The following SOS1 variants were observed in gnomAD, a reference collection of about 807,000 sequenced individuals.
SOS1 encodes SOS Ras/Rac guanine nucleotide exchange factor 1, also known as son of sevenless homolog 1.
Under a neutral mutation model 157.6 loss-of-function variants are expected in SOS1, and 25 were observed. The observed-to-expected ratio is 0.16, with a 90% CI of 0.12 to 0.22. The LOEUF (loss-of-function observed/expected upper bound fraction) is 0.22. SOS1 is among the 10% of genes least tolerant of loss of function. The pLI, the probability that SOS1 is intolerant of heterozygous loss-of-function variation, is 1.00. For synonymous variants in SOS1, 528 were observed against 534.0 expected (o/e 0.99, Z 0.16); for missense variants, 1,237 against 1,599.1 (o/e 0.77, Z 3.86).
At chr2:39,009,771 A>T (rs1366619854) in intron 15 of SOS1, among the ~76,000 whole-genome samples, 1 of 152,230 alleles carries the variant, frequency 6.6e-6, no homozygotes, top group Non-Finnish European at 1.5e-5. Context: ...AGAGCTACAT[A>T]GGAGTAATAT....
chr2:39,067,262 C>T (rs1160793342), intron 2 of SOS1, among the ~76,000 whole-genome samples: 2 of 152,152 alleles, frequency 1.3e-5, no homozygotes, highest in Non-Finnish European at 2.9e-5. Flanking sequence ...GATTCTTCTG[C>T]TTTGGCCTCC....
intron 2 of SOS1, among the ~76,000 whole-genome samples, chr2:39,064,573 T>C (rs1002325571): frequency 7.9e-5 from 12 of 152,232 alleles, no homozygotes; most frequent in African/African-American, 2.9e-4. Flanking sequence ...ATAGGGTCTC[T>C]TGACCTTATT....
Position 38,987,572 on chromosome 2 carries a change from A to G in SOS1, c.3411T>C (p.Ser1137=), listed in dbSNP as rs1558455854. The part of the protein sequence containing the change: ...PHGPRSASVS[S]ISLTKGTDEV... ...CATCAGTGCCTTTGGTTAAACTTAT[A>G]GATGATACAGAAGCAGATCCTGTGG... The change falls in exon 22 of 23, where the codon TCT becomes TCC. Residue 1137 remains serine, a synonymous_variant. Coordinates refer to ENST00000402219, the MANE Select transcript of SOS1 (RefSeq NM_005633.4). 1 of 1,563,196 alleles carries G rather than the reference A, an allele frequency of 6.4e-7. No homozygotes were observed.
At chr2:39,076,693 T>A (rs896785805) in intron 1 of SOS1, among the ~76,000 whole-genome samples, 3 of 152,038 alleles carry the variant, frequency 2.0e-5, no homozygotes, top group African/African-American at 7.2e-5. Flanking sequence ...TCATAATCAA[T>A]AGTGCAATAC....
In SOS1 at chr2:39,067,679, T is replaced by A; in HGVS notation, c.162A>T (p.Gln54His). The part of the protein sequence containing the change: ...ALQYVEELIL[Q>H]LLNMLCQAQP... ...GAGCTTGGCATAGCATATTTAATAA[T>A]TGCAAAATTAATTCTTCAACATACT... Residue 54 changes from glutamine (Q) to histidine (H), a missense_variant, in exon 2 of 23, where the codon CAA becomes CAT. Transcript: ENST00000402219. 1 of 1,613,060 alleles carries A rather than the reference T, an allele frequency of 6.2e-7. No individual in the cohort carries two copies.
intron 20 of SOS1, among the ~76,000 whole-genome samples, chr2:38,990,722 A>G (rs1668706731): frequency 1.3e-5 from 2 of 152,188 alleles, no homozygotes; most frequent in South Asian, 4.1e-4. Context: ...GTACATATGC[A>G]TGCACACTTG....
intron 1 of SOS1, among the ~76,000 whole-genome samples, chr2:39,116,177 G>A (rs1414264310): frequency 6.5e-3 from 2 of 308 alleles, no homozygotes; most frequent in African/African-American, 0.029. Flanking sequence ...AAGTTCACTT[G>A]AATAACCCAA....
chr2:39,069,273 G>T (rs940789945), intron 1 of SOS1, among the ~76,000 whole-genome samples: 2 of 149,654 alleles, frequency 1.3e-5, no homozygotes, highest in Non-Finnish European at 3.0e-5. Flanking sequence ...TACTCCAGAG[G>T]CTGAGGTGAC....
intron 1 of SOS1, chr2:39,098,066 A>G (rs1227057155): frequency 6.6e-6 from 1 of 152,598 alleles, no homozygotes; most frequent in Admixed American, 6.5e-5. Context: ...AAAGAAAGAC[A>G]TGAAAATTAT....
chr2:39,054,858 A>C, intron 4 of SOS1, 35 bp from the exon 5 acceptor site: 2 of 1,071,822 alleles, frequency 1.9e-6, no homozygotes, highest in Non-Finnish European at 2.9e-6. Context: ...GTATAATAAA[A>C]TATGAAGCTT....
intron 10 of SOS1, among the ~76,000 whole-genome samples, chr2:39,018,318 T>C (rs1232615936): frequency 6.6e-6 from 1 of 151,838 alleles, no homozygotes. Flanking sequence ...TTCTACAGTT[T>C]TTCCCCCTCA....
At chr2:39,034,960 A>G in intron 8 of SOS1, 2 of 536,836 alleles carry the variant, frequency 3.7e-6, no homozygotes, top group East Asian at 3.7e-5. Flanking sequence ...AACATTCACT[A>G]AAAAACCAAA....
chr2:39,068,881 G>C (rs1228069804), intron 1 of SOS1, among the ~76,000 whole-genome samples: 1 of 152,030 alleles, frequency 6.6e-6, no homozygotes, highest in Admixed American at 6.6e-5. Flanking sequence ...AGTTCCAGGA[G>C]AGAAACAATA....
intron 6 of SOS1, among the ~76,000 whole-genome samples, chr2:39,044,081 G>T (rs1365126925): frequency 1.3e-5 from 2 of 152,170 alleles, no homozygotes; most frequent in East Asian, 3.8e-4. Flanking sequence ...AACAGGCCTG[G>T]TACGGTGGCT....
At chr2:39,093,163 T>G (rs1044671358) in intron 1 of SOS1, among the ~76,000 whole-genome samples, 1 of 152,218 alleles carries the variant, frequency 6.6e-6, no homozygotes, top group Non-Finnish European at 1.5e-5. Flanking sequence ...TAGGCACTAT[T>G]TTCCCCTACA....
At chr2:39,057,641 T>C (rs1185893918) in intron 3 of SOS1, among the ~76,000 whole-genome samples, 1 of 152,102 alleles carries the variant, frequency 6.6e-6, no homozygotes, top group African/African-American at 2.4e-5. Context: ...TAAATTGAAA[T>C]GATATTCACA....
intron 2 of SOS1, among the ~76,000 whole-genome samples, chr2:39,061,768 T>A (rs1400289939): frequency 1.3e-5 from 2 of 152,276 alleles, no homozygotes; most frequent in Non-Finnish European, 2.9e-5. Flanking sequence ...CTCTCCTAAT[T>A]TCAAGATTAA....
intron 11 of SOS1, among the ~76,000 whole-genome samples, chr2:39,014,319 A>C (rs1009732756): frequency 6.6e-6 from 1 of 152,118 alleles, no homozygotes; most frequent in African/African-American, 2.4e-5. Flanking sequence ...ACTCTAAATC[A>C]GGTGACATAA....
At chr2:39,068,818 T>C (rs945892855) in intron 1 of SOS1, among the ~76,000 whole-genome samples, 1 of 152,140 alleles carries the variant, frequency 6.6e-6, no homozygotes, top group East Asian at 1.9e-4. Flanking sequence ...AACAGCATGA[T>C]AGTCTTTACT....
Sources: gnomAD v4.1 joint callset for allele counts (sites outside exome capture counted in the v4.1 genomes callset) on GRCh38, gnomAD v4.1.1 for gene constraint, MANE v1.5 for transcripts, NCBI Gene and HGNC (gene_info 2026-07-23, HGNC 2026-07-21) for gene names.